The following FEZ1 variants were observed in gnomAD, a reference collection of about 807,000 sequenced individuals.
The protein encoded by FEZ1 is fasciculation and elongation protein zeta-1.
In FEZ1, 20 loss-of-function variants were observed where a neutral mutation model predicts 49.3. That is an observed-to-expected ratio of 0.41 (90% confidence interval 0.29 to 0.59). The LOEUF (loss-of-function observed/expected upper bound fraction) is 0.59, where lower values mean the gene tolerates loss of function less well. Ranked by LOEUF, FEZ1 falls within the 20% of genes least tolerant of loss-of-function variation. The pLI, the probability that FEZ1 is intolerant of heterozygous loss-of-function variation, is 0.36. For synonymous variants in FEZ1, 170 were observed against 180.9 expected (o/e 0.94, Z 0.48); for missense variants, 413 against 476.0 (o/e 0.87, Z 1.23).
At chr11:125,475,612 T>C (rs1195464832) in intron 3 of FEZ1, among the ~76,000 whole-genome samples, 2 of 151,942 alleles carry the variant, frequency 1.3e-5, no homozygotes, top group Non-Finnish European at 2.9e-5. Flanking sequence ...AGGGAGAGGA[T>C]CAGGAAAAAT....
chr11:125,466,315 T>C (rs1957129344), intron 3 of FEZ1, among the ~76,000 whole-genome samples: 1 of 151,866 alleles, frequency 6.6e-6, no homozygotes, highest in South Asian at 2.1e-4. Context: ...ACTCCGTCTC[T>C]AAAAAAATAG....
chr11:125,454,944 G>A (rs1956994725), intron 6 of FEZ1, among the ~76,000 whole-genome samples: 1 of 150,154 alleles, frequency 6.7e-6, no homozygotes. Flanking sequence ...AACCCGGGAA[G>A]CAGAGATTGC....
intron 5 of FEZ1, among the ~76,000 whole-genome samples, chr11:125,457,479 T>TAC (rs1170882844): frequency 1.7e-5 from 1 of 58,582 alleles, no homozygotes; most frequent in Non-Finnish European, 3.9e-5. Context: ...TATGTATATA[T>TAC]ACACATATAT....
chr11:125,491,329 C>T lies in FEZ1; in HGVS notation c.-45-1507G>A, dbSNP rs1335053826. Among the ~76,000 whole-genome samples the T allele has an allele frequency of 4.6e-5, 7 of 152,060 alleles. 1 individual carries two copies. The South Asian group carries it at 1.2e-3, about 27-fold the overall frequency. ...TCCATCTGTGTGTACATCTGGGCCC[C>T]ATTCAATTTTAACTTAAATTCCTCG... On this transcript the variant is annotated intron_variant, in intron 1 of 9. Coordinates refer to ENST00000278919, the MANE Select transcript of FEZ1 (RefSeq NM_005103.5).
At chr11:125,477,856 C>CAAAA (rs11413508) in intron 3 of FEZ1, among the ~76,000 whole-genome samples, 1 of 141,408 alleles carries the variant, frequency 7.1e-6, no homozygotes. Context: ...GAGCTTTATG[C>CAAAA]AAAAAAAAAA....
At chr11:125,472,424 G>T (rs150075630) in intron 3 of FEZ1, among the ~76,000 whole-genome samples, 1,779 of 151,854 alleles carry the variant, frequency 0.012, 32 homozygotes, top group African/African-American at 0.031. Flanking sequence ...AATAGAAAAG[G>T]GAACATCACT....
intron 3 of FEZ1, among the ~76,000 whole-genome samples, chr11:125,477,946 T>G (rs1310295879): frequency 6.6e-6 from 1 of 151,910 alleles, no homozygotes; most frequent in African/African-American, 2.4e-5. Flanking sequence ...CTGTTTTGGG[T>G]GGTTGTTTTG....
intron 8 of FEZ1, among the ~76,000 whole-genome samples, chr11:125,451,985 GGAGA>G (rs993158796): frequency 4.5e-4 from 69 of 152,170 alleles, no homozygotes; most frequent in African/African-American, 1.6e-3. Flanking sequence ...CAAGTTGCAG[GGAGA>G]GAGAGAACAG....
intron 7 of FEZ1, 41 bp downstream of exon 7, chr11:125,454,089 G>C (rs759357162): frequency 2.8e-6 from 4 of 1,450,888 alleles, no homozygotes; most frequent in Admixed American, 1.8e-5. Flanking sequence ...CAAGCTGCAG[G>C]AGTCTAGGAA....
chr11:125,464,717 T>C (rs1357595550), intron 3 of FEZ1, among the ~76,000 whole-genome samples: 1 of 97,352 alleles, frequency 1.0e-5, no homozygotes. Flanking sequence ...CAGGACTATG[T>C]CATTAAAAAA....
intron 1 of FEZ1, among the ~76,000 whole-genome samples, chr11:125,493,417 A>AGAAAGAAAGAAG (rs1957411161): frequency 3.9e-5 from 2 of 51,532 alleles, no homozygotes; most frequent in Non-Finnish European, 7.6e-5. Flanking sequence ...AAAGAAAGAA[A>AGAAAGAAAGAAG]GAAAGAAGGA....
chr11:125,450,970 G>A (rs1245526232), intron 8 of FEZ1, among the ~76,000 whole-genome samples: 2 of 152,014 alleles, frequency 1.3e-5, no homozygotes, highest in Non-Finnish European at 2.9e-5. Flanking sequence ...CTTAAAAAAT[G>A]TAAACAAAAC....
chr11:125,454,083 CTG>C, intron 7 of FEZ1, 45 bp downstream of exon 7: 1 of 1,410,872 alleles, frequency 7.1e-7, no homozygotes. Flanking sequence ...GGAGGCCAAG[CTG>C]CAGGAGTCTA....
At chr11:125,477,874 G>A (rs951870035) in intron 3 of FEZ1, among the ~76,000 whole-genome samples, 2 of 146,186 alleles carry the variant, frequency 1.4e-5, no homozygotes, top group African/African-American at 5.2e-5. Context: ...AAAAAAGGCA[G>A]CTAAAAGAAA....
intron 3 of FEZ1, among the ~76,000 whole-genome samples, chr11:125,476,665 G>A (rs888995589): frequency 2.0e-5 from 3 of 152,090 alleles, no homozygotes; most frequent in Non-Finnish European, 4.4e-5. Context: ...AAAGGAGCAG[G>A]AATCTAAAGA....
At chr11:125,452,546 T>C in intron 7 of FEZ1, 137 bp from the exon 8 acceptor site, 1 of 612,498 alleles carries the variant, frequency 1.6e-6, no homozygotes, top group Admixed American at 2.8e-5. Context: ...ACGTCACTGT[T>C]TCAGAACTTC....
chr11:125,459,647 T>C (rs929747180), intron 5 of FEZ1, among the ~76,000 whole-genome samples: 1 of 152,176 alleles, frequency 6.6e-6, no homozygotes, highest in Non-Finnish European at 1.5e-5. Flanking sequence ...TTCTCACCTG[T>C]CTTTGTGGAG....
intron 5 of FEZ1, among the ~76,000 whole-genome samples, chr11:125,457,427 A>ATATAT (rs57032147): frequency 5.5e-4 from 15 of 27,172 alleles, no homozygotes; most frequent in African/African-American, 1.8e-3. Context: ...AAAAAAAAAA[A>ATATAT]AAATATATAT....
rs565623423 is a variant in FEZ1, at chr11:125,445,953, C to T, written c.*142G>A. On this transcript the variant is annotated 3_prime_UTR_variant, in exon 10 of 10. Transcript: ENST00000278919. This position sits in a 1 kb window ranked among gnomAD's most constrained non-coding sequence, Gnocchi z 4.4. ...ACTAGAAGCCAACGGCAAAGGACCC[C>T]GCGCGCTTGCTCGTGTTTAATCCAG... is the stretch of plus-strand genomic sequence containing the variant. 4.7e-6 allele frequency: 4 copies of T among 848,304 alleles called. No homozygotes were observed. Among genetic ancestry groups the T allele is most frequent in the African/African-American group, 1.7e-5 (1 of 60,150 alleles). The allele number at this position is 848,304 out of a possible 1,614,324, so 52.5% of individuals were successfully genotyped here. A position where few individuals can be genotyped will look rare whatever the true frequency, so the allele number is the denominator to read the frequency against.
Sources: gnomAD v4.1 joint callset for allele counts (sites outside exome capture counted in the v4.1 genomes callset) on GRCh38, gnomAD v4.1.1 for gene constraint, Gnocchi (gnomAD v3.1) non-coding constraint, MANE v1.5 for transcripts, NCBI Gene and HGNC (gene_info 2026-07-23, HGNC 2026-07-21) for gene names.